DAAM1: variants seen among roughly 807,000 people sequenced by gnomAD.
DAAM1 encodes the protein dishevelled associated activator of morphogenesis 1, also known as disheveled-associated activator of morphogenesis 1.
A neutral mutation model predicts 130.0 loss-of-function variants in DAAM1; 52 were observed. That is an observed-to-expected ratio of 0.40 (90% CI 0.32 to 0.50). The LOEUF (loss-of-function observed/expected upper bound fraction) is 0.50, where lower values mean the gene tolerates loss of function less well. Among genes scored for constraint, DAAM1 ranks in the 20% least tolerant of loss-of-function variants. The pLI, the probability that DAAM1 is intolerant of heterozygous loss-of-function variation, is 0.61. For missense variants in DAAM1, 1,134 were observed against 1,303.8 expected, an observed-to-expected ratio of 0.87 and a Z score of 2.01; for synonymous variants, 452 against 444.5, an observed-to-expected ratio of 1.02 and a Z score of -0.21.
At chr14:59,225,242 G>C (rs578041174) in intron 1 of DAAM1, among the ~76,000 whole-genome samples, 3 of 152,078 alleles carry the variant, frequency 2.0e-5, no homozygotes, top group Non-Finnish European at 2.9e-5. Context: ...TGGACAGAAT[G>C]GTCTCAATCT....
At chr14:59,287,614 G>A (rs933391626) in intron 2 of DAAM1, among the ~76,000 whole-genome samples, 8 of 152,064 alleles carry the variant, frequency 5.3e-5, no homozygotes, top group Non-Finnish European at 7.4e-5. Flanking sequence ...AAAATCAGTA[G>A]CATTTTTATA....
intron 2 of DAAM1, among the ~76,000 whole-genome samples, chr14:59,277,353 G>C (rs1164569941): frequency 6.6e-6 from 1 of 151,992 alleles, no homozygotes; most frequent in African/African-American, 2.4e-5. Context: ...GTGTGGAATT[G>C]GTAAGGTTTC....
rs1399865373 is a variant in DAAM1, at chr14:59,331,498, A to C, written c.1850A>C (p.Lys617Thr). Residue 617 changes from lysine (K) to threonine (T), a missense_variant, in exon 14 of 25, where the codon AAA becomes ACA. By Grantham distance (78) the Lys-to-Thr change is moderately conservative (BLOSUM62 -1). This residue lies in a region of DAAM1 where 644 missense variants were observed against 695.9 expected (regional missense o/e 0.93). Transcript: ENST00000360909. ...TNALKSFNWSKLPENKLEGTV... is the reference protein window; with the variant it reads ...TNALKSFNWSTLPENKLEGTV... ...GCCCTGAAATCCTTCAACTGGTCTA[A>C]ACTGCCCGAGGTGAGCCATTTGTTC... 5.0e-6 allele frequency: 8 copies of C among 1,596,840 alleles called. No homozygotes were observed. Among genetic ancestry groups the C allele is most frequent in the Non-Finnish European group, 6.0e-6 (7 of 1,169,314 alleles).
intron 1 of DAAM1, among the ~76,000 whole-genome samples, chr14:59,194,020 G>A (rs1021643668): frequency 2.6e-5 from 4 of 152,124 alleles, no homozygotes; most frequent in African/African-American, 9.7e-5. Context: ...CCATGTTCTA[G>A]ATGAGGAAAC....
chr14:59,354,251 G>A (rs189416011), intron 19 of DAAM1, among the ~76,000 whole-genome samples: 39 of 152,222 alleles, frequency 2.6e-4, no homozygotes, highest in Non-Finnish European at 4.4e-4. Flanking sequence ...TAGTAGAGAC[G>A]GGGTTTCACC....
intron 23 of DAAM1, among the ~76,000 whole-genome samples, chr14:59,366,624 T>A (rs1269785271): frequency 6.6e-6 from 1 of 152,232 alleles, no homozygotes; most frequent in Non-Finnish European, 1.5e-5. Flanking sequence ...TCATACATGT[T>A]AAGCTCAAAT....
At chr14:59,262,568 G>A (rs1253007) in intron 1 of DAAM1, among the ~76,000 whole-genome samples, 54,852 of 151,568 alleles carry the variant, frequency 0.36, 9,936 homozygotes, top group South Asian at 0.38. Flanking sequence ...TTTAAATCAT[G>A]TACTCCTATA....
Position 59,320,505 on chromosome 14 carries a change from G to A in DAAM1, c.361G>A (p.Ala121Thr). Reference sequence around the variant, plus strand: ...CTTTGCATAGAGAAAATCTCTGCTGGCTTTAGAGAAGGAAGAAGAAGAAGA... The same window carrying A: ...CTTTGCATAGAGAAAATCTCTGCTGACTTTAGAGAAGGAAGAAGAAGAAGA... ...NSMAARKSLLALEKEEEEERS... is the reference protein window; with the variant it reads ...NSMAARKSLLTLEKEEEEERS... The change falls in exon 5 of 25, where the codon GCT becomes ACT. Residue 121 changes from alanine (A) to threonine (T), a missense_variant. Ala to Thr is a moderately conservative substitution (Grantham distance 58, BLOSUM62 0). This residue lies in a region of DAAM1 where 391 missense variants were observed against 521.6 expected (regional missense o/e 0.75). Transcript: ENST00000360909. 6.2e-7 allele frequency: 1 copy of A among 1,603,366 alleles called. No homozygotes were observed. Among genetic ancestry groups the A allele is most frequent in the Non-Finnish European group, 8.5e-7 (1 of 1,176,816 alleles).
rs1052394368 is a variant in DAAM1 at position 59,246,477 on chromosome 14, C to T, written c.-37-16964C>T. 2.6e-5 allele frequency among the ~76,000 whole-genome samples: 4 copies of T among 152,270 alleles called. No individual in the cohort carries two copies. The East Asian group carries it at 7.7e-4, about 29-fold the overall frequency. ...ATTGATGACATTTGGGTTCCTTCCA[C>T]CTCTCTGCTATTGTGAATAATGCTG... is the stretch of plus-strand genomic sequence containing the variant. On this transcript the variant is annotated intron_variant, in intron 1 of 24. Transcript: ENST00000360909.
At chr14:59,329,780 T>C (rs1377690792) in intron 12 of DAAM1, among the ~76,000 whole-genome samples, 2 of 152,230 alleles carry the variant, frequency 1.3e-5, no homozygotes, top group African/African-American at 4.8e-5. Context: ...AGGAAGTCAG[T>C]AAAACTACAG....
rs57437992 is a variant in DAAM1 at position 59,203,158 on chromosome 14, ATTTTTTTTTT to A, written c.-38+14404_-38+14413del. On this transcript the variant is annotated intron_variant, in intron 1 of 24. Coordinates refer to ENST00000360909, the MANE Select transcript of DAAM1 (RefSeq NM_001270520.2). ...AGGCACCCGCCACCACTTCTGGCTA[ATTTTTTTTTT>A]TTTTTTTTTTTTTGTATTTTTAGTA... Among the ~76,000 whole-genome samples the A allele has an allele frequency of 2.9e-3, 310 of 108,084 alleles. No homozygotes were observed. The Middle Eastern group carries it at 0.033, about 12-fold the overall frequency. 70.9% of individuals were successfully genotyped at this position (108,084 alleles called of 152,430 possible).
intron 1 of DAAM1, among the ~76,000 whole-genome samples, chr14:59,217,434 G>A (rs1162855007): frequency 1.3e-5 from 2 of 152,230 alleles, no homozygotes; most frequent in East Asian, 3.9e-4. Context: ...TATCAGTGTG[G>A]TGTAACCAGA....
At chr14:59,334,003 T>C (rs1885536145) in intron 15 of DAAM1, among the ~76,000 whole-genome samples, 1 of 152,234 alleles carries the variant, frequency 6.6e-6, no homozygotes, top group African/African-American at 2.4e-5. Context: ...TCAGTTATAC[T>C]TAACACTAAG....
At chr14:59,355,901 T>A (rs556126817) in intron 20 of DAAM1, among the ~76,000 whole-genome samples, 1 of 152,356 alleles carries the variant, frequency 6.6e-6, no homozygotes, top group Non-Finnish European at 1.5e-5. Flanking sequence ...GTAGCAACTA[T>A]ATTAAAAACT....
chr14:59,345,396 A>T (rs1005746933), intron 16 of DAAM1, among the ~76,000 whole-genome samples: 6 of 152,196 alleles, frequency 3.9e-5, no homozygotes, highest in Non-Finnish European at 8.8e-5. Flanking sequence ...CTTATTTGTC[A>T]GCTTAAACAA....
chr14:59,292,469 C>G (rs562578309), intron 3 of DAAM1, among the ~76,000 whole-genome samples: 1 of 152,264 alleles, frequency 6.6e-6, no homozygotes, highest in Admixed American at 6.5e-5. Flanking sequence ...AAGGGACTCT[C>G]TCTAGCAGTG....
chr14:59,245,139 G>A (rs73295959), intron 1 of DAAM1, among the ~76,000 whole-genome samples: 9,162 of 152,206 alleles, frequency 0.06, 916 homozygotes, highest in African/African-American at 0.21. Flanking sequence ...GTGTCTTCAC[G>A]TGGATCAAAT....
intron 1 of DAAM1, among the ~76,000 whole-genome samples, chr14:59,233,217 T>G (rs559419972): frequency 2.2e-4 from 34 of 152,212 alleles, no homozygotes; most frequent in African/African-American, 7.9e-4. Flanking sequence ...TCACCATGCT[T>G]TATTCCACAA....
At chr14:59,243,894 T>C (rs1302885248) in intron 1 of DAAM1, among the ~76,000 whole-genome samples, 2 of 152,216 alleles carry the variant, frequency 1.3e-5, no homozygotes. Context: ...GGGATACCTG[T>C]ATGTCCCTGT....
Sources: gnomAD v4.1 joint callset for allele counts (sites outside exome capture counted in the v4.1 genomes callset) on GRCh38, gnomAD v4.1.1 for gene constraint, gnomAD v4.1.1 regional missense constraint, MANE v1.5 for transcripts, NCBI Gene and HGNC (gene_info 2026-07-23, HGNC 2026-07-21) for gene names.